LAMA3: variants seen among roughly 807,000 people sequenced by gnomAD.
The protein encoded by LAMA3 is laminin subunit alpha-3.
LAMA3 carries 281 observed loss-of-function variants against 402.0 expected under a neutral mutation model. The ratio of observed to expected loss-of-function variants is 0.70; its 90% CI spans 0.63 to 0.77. The LOEUF (loss-of-function observed/expected upper bound fraction) is 0.77, where lower values mean the gene tolerates loss of function less well. Among genes scored for constraint, LAMA3 ranks in the 30% least tolerant of loss-of-function variants. LAMA3 has a pLI of 0.00. For synonymous variants in LAMA3, 1,431 were observed against 1,558.4 expected, an observed-to-expected ratio of 0.92 and a Z score of 1.93; for missense variants, 3,840 against 4,215.5, an observed-to-expected ratio of 0.91 and a Z score of 2.47.
intron 23 of LAMA3, among the ~76,000 whole-genome samples, chr18:23,832,912 A>G (rs1219577415): frequency 6.6e-6 from 1 of 152,212 alleles, no homozygotes; most frequent in Admixed American, 6.5e-5. Context: ...TAATATTTAC[A>G]TAGTGTTTTT....
rs373385653 is a variant in LAMA3 at position 23,928,673 on chromosome 18, G to A, written c.8344G>A (p.Asp2782Asn). 2 of 1,613,942 alleles carry A rather than the reference G, an allele frequency of 1.2e-6. No homozygotes were observed. ...CAGAGGAGGACAATTGAGTTTCACT[G>A]ATTTGGGCTTACCACCTACTGACCA... The part of the protein sequence containing the change: ...FSRGGQLSFT[D>N]LGLPPTDHLQ... The change falls in exon 64 of 75, where the codon GAT becomes AAT. Residue 2782 changes from aspartate (D) to asparagine (N), a missense_variant. Asp to Asn is a conservative substitution (Grantham distance 23). Transcript: ENST00000313654.
intron 30 of LAMA3, among the ~76,000 whole-genome samples, chr18:23,845,771 C>A (rs1285216306): frequency 3.9e-5 from 6 of 152,176 alleles, no homozygotes. Flanking sequence ...CACTCCATAA[C>A]CTTGCAGCCT....
intron 41 of LAMA3, among the ~76,000 whole-genome samples, chr18:23,888,554 G>A (rs549391887): frequency 1.9e-4 from 29 of 152,132 alleles, no homozygotes; most frequent in African/African-American, 6.5e-4. Context: ...GGGGGGGACC[G>A]GTAAAGAAAC....
chr18:23,857,872 T>C lies in LAMA3; in HGVS notation c.4165T>C (p.Cys1389Arg). 6.2e-7 allele frequency: 1 copy of C among 1,614,252 alleles called. No individual in the cohort carries two copies. Residue 1389 changes from cysteine (C) to arginine (R), a missense_variant, in exon 33 of 75, where the codon TGT becomes CGT. This residue lies in a region of LAMA3 where 2,109 missense variants were observed against 2,376.0 expected (regional missense o/e 0.89). Coordinates refer to ENST00000313654, the MANE Select transcript of LAMA3 (RefSeq NM_198129.4). ...RCKPRITGRQ[C>R]DRCASGFYRF... is the part of the protein sequence containing the mutation. ...CAAGCCCAGAATCACAGGGCGGCAG[T>C]GTGACCGATGTGCTTCCGGGTTTTA...
rs115563929 is a variant in LAMA3 at position 23,814,445 on chromosome 18, A to C, written c.1831A>C (p.Ser611Arg). Reference sequence around the variant, plus strand: ...GCTTCATGTTGAAGGTCCTACTTGTAGCCGCTGCAAACTGTTATATTGGAA... The same window carrying C: ...GCTTCATGTTGAAGGTCCTACTTGTCGCCGCTGCAAACTGTTATATTGGAA... ...CKLHVEGPTCSRCKLLYWNLD... is the reference protein window; with the variant it reads ...CKLHVEGPTCRRCKLLYWNLD... Residue 611 changes from serine to arginine, a missense_variant, in exon 15 of 75, where the codon AGC becomes CGC. Ser to Arg is a moderately radical substitution (Grantham distance 110). Around this residue, in one of 3 missense-constraint regions of LAMA3, gnomAD observed 2,109 missense variants for 2,376.0 expected, o/e 0.89. Coordinates refer to ENST00000313654, the MANE Select transcript of LAMA3 (RefSeq NM_198129.4). 4.3e-4 allele frequency: 688 copies of C among 1,614,032 alleles called. 4 individuals carry two copies. The African/African-American group carries it at 8.3e-3, about 19-fold the overall frequency.
chr18:23,811,013 A>C (rs2063059037), intron 13 of LAMA3, among the ~76,000 whole-genome samples: 1 of 152,102 alleles, frequency 6.6e-6, no homozygotes, highest in Non-Finnish European at 1.5e-5. Flanking sequence ...GGACCGTGTC[A>C]TCGTACTTCA....
chr18:23,757,184 C>T (rs2061864780), intron 6 of LAMA3, among the ~76,000 whole-genome samples: 1 of 152,064 alleles, frequency 6.6e-6, no homozygotes, highest in Non-Finnish European at 1.5e-5. Flanking sequence ...ACAACCACTA[C>T]CCAGCTCCAA....
At chr18:23,698,161 GA>G (rs2060718559) in intron 1 of LAMA3, among the ~76,000 whole-genome samples, 2 of 140,476 alleles carry the variant, frequency 1.4e-5, no homozygotes, top group African/African-American at 5.2e-5. Context: ...GTGGTGGGGG[GA>G]AATGGAACAC....
chr18:23,828,440 T>G (rs1457703684), intron 23 of LAMA3, among the ~76,000 whole-genome samples: 2 of 152,198 alleles, frequency 1.3e-5, no homozygotes, highest in African/African-American at 4.8e-5. Context: ...TCCCTCTACT[T>G]CATTCTAATA....
At chr18:23,789,724 C>T (rs1329480500) in intron 12 of LAMA3, among the ~76,000 whole-genome samples, 2 of 152,088 alleles carry the variant, frequency 1.3e-5, no homozygotes, top group Non-Finnish European at 2.9e-5. Context: ...CGAAAATGTT[C>T]TAAAATTAGA....
chr18:23,766,301 A>G (rs1313961289), intron 8 of LAMA3, among the ~76,000 whole-genome samples: 2 of 152,308 alleles, frequency 1.3e-5, no homozygotes, highest in East Asian at 3.9e-4. Context: ...TAAAAGAAAA[A>G]AGAACCATCA....
chr18:23,864,162 T>C (rs1472586098), intron 35 of LAMA3, among the ~76,000 whole-genome samples: 1 of 151,612 alleles, frequency 6.6e-6, no homozygotes, highest in African/African-American at 2.4e-5. Context: ...GGTTTAGTAA[T>C]CATCTAGAAA....
chr18:23,901,001 C>T, intron 47 of LAMA3, 126 bp from the exon 48 acceptor site: 1 of 831,138 alleles, frequency 1.2e-6, no homozygotes, highest in Admixed American at 2.0e-5. Flanking sequence ...TTTCCTTTCC[C>T]ATCCCCTCCA....
chr18:23,793,312 T>G (rs558583729), intron 12 of LAMA3, among the ~76,000 whole-genome samples: 3 of 152,012 alleles, frequency 2.0e-5, no homozygotes, highest in African/African-American at 7.2e-5. Flanking sequence ...GTTTACTATC[T>G]CTGGGAATTG....
In LAMA3 at chr18:23,864,798, G is replaced by A. The variant is rs749928103; in HGVS notation, c.4598G>A (p.Gly1533Asp). 5.5e-5 allele frequency: 89 copies of A among 1,610,294 alleles called. No individual in the cohort carries two copies. Among genetic ancestry groups the A allele is most frequent in the Non-Finnish European group, 7.1e-5 (84 of 1,176,900 alleles). Reference protein sequence around the residue: ...SYLGDKVSSYGGYLTYQAKSF... With the variant: ...SYLGDKVSSYDGYLTYQAKSF... ...ATTCCATTTTAGGTTTCTTCATATGGTGGTTACCTCACTTACCAAGCCAAG... is the reference window on the plus strand; with the variant it reads ...ATTCCATTTTAGGTTTCTTCATATGATGGTTACCTCACTTACCAAGCCAAG... The change falls in exon 36 of 75, where the codon GGT becomes GAT. Residue 1533 changes from glycine (G) to aspartate (D), a missense_variant. By Grantham distance (94) the Gly-to-Asp change is moderately conservative. Transcript: ENST00000313654.
At chr18:23,860,233 A>G (rs1207379987) in intron 34 of LAMA3, among the ~76,000 whole-genome samples, 1 of 135,820 alleles carries the variant, frequency 7.4e-6, no homozygotes, top group Non-Finnish European at 1.6e-5. Flanking sequence ...CTATTTTATC[A>G]TATCTTTTCT....
chr18:23,803,993 G>C (rs908331193), intron 12 of LAMA3, among the ~76,000 whole-genome samples: 5 of 152,188 alleles, frequency 3.3e-5, no homozygotes, highest in Non-Finnish European at 7.3e-5. Flanking sequence ...ATGACGGAAT[G>C]CTGCTGTGCT....
At chr18:23,690,818 C>A (rs1329861086) in intron 1 of LAMA3, among the ~76,000 whole-genome samples, 1 of 151,198 alleles carries the variant, frequency 6.6e-6, no homozygotes, top group Admixed American at 6.6e-5. Flanking sequence ...GCACTGTCGC[C>A]GGGGCTGAAA....
rs2081059768 is a variant in LAMA3 at position 23,901,234 on chromosome 18, C to T, written c.6112C>T (p.Leu2038Phe). 3 of 1,614,054 alleles carry T rather than the reference C, an allele frequency of 1.9e-6. No individual in the cohort carries two copies. Among genetic ancestry groups the T allele is most frequent in the Non-Finnish European group, 2.5e-6 (3 of 1,180,020 alleles). The change falls in exon 48 of 75, where the codon CTT becomes TTT. Residue 2038 changes from leucine to phenylalanine, a missense_variant. This residue lies in a region of LAMA3 where 891 missense variants were observed against 857.5 expected (regional missense o/e 1.04). Transcript: ENST00000313654. The stretch of plus-strand genomic sequence containing the variant: ...TGAATACGAAGCCAAACTCAGTGAC[C>T]TTCGTGCTCGGCTGCAGGAGGCAGC... ...LNEYEAKLSDLRARLQEAAAQ... is the reference protein window; with the variant it reads ...LNEYEAKLSDFRARLQEAAAQ...
Sources: gnomAD v4.1 joint callset for allele counts (sites outside exome capture counted in the v4.1 genomes callset) on GRCh38, gnomAD v4.1.1 for gene constraint, gnomAD v4.1.1 regional missense constraint, MANE v1.5 for transcripts, NCBI Gene and HGNC (gene_info 2026-07-23, HGNC 2026-07-21) for gene names.